Variants in PKNOX2 observed in about 807,000 individuals in gnomAD.
PKNOX2 encodes PBX/knotted 1 homeobox 2, also known as homeobox protein PKNOX2.
PKNOX2 carries 14 observed loss-of-function variants against 53.1 expected under a neutral mutation model. The ratio of observed to expected loss-of-function variants is 0.26; its 90% CI spans 0.17 to 0.41. The LOEUF is 0.41. PKNOX2 is among the 10% of genes least tolerant of loss of function. PKNOX2 has a pLI of 1.00. For synonymous variants in PKNOX2, 257 were observed against 242.8 expected (o/e 1.06, Z -0.54); for missense variants, 496 against 602.8 (o/e 0.82, Z 1.85).
chr11:125,315,626 G>T (rs1949134081), intron 2 of PKNOX2, among the ~76,000 whole-genome samples: 1 of 152,190 alleles, frequency 6.6e-6, no homozygotes, highest in African/African-American at 2.4e-5. Flanking sequence ...CTGAGTGCAT[G>T]GCAGCTAATG....
At chr11:125,405,284 C>G (rs1955019041) in intron 7 of PKNOX2, among the ~76,000 whole-genome samples, 1 of 152,214 alleles carries the variant, frequency 6.6e-6, no homozygotes, top group South Asian at 2.1e-4. Flanking sequence ...TAAACAGAAA[C>G]TTTTCTGTCA....
At chr11:125,351,736 G>C (rs1591538606) in intron 4 of PKNOX2, among the ~76,000 whole-genome samples, 1 of 152,060 alleles carries the variant, frequency 6.6e-6, no homozygotes, top group African/African-American at 2.4e-5. Flanking sequence ...GGAGACCCAG[G>C]TACCGGATGT....
chr11:125,413,156 G>A (rs1955663743), intron 10 of PKNOX2, among the ~76,000 whole-genome samples: 1 of 152,210 alleles, frequency 6.6e-6, no homozygotes, highest in African/African-American at 2.4e-5. Flanking sequence ...TGACTAGTCT[G>A]AACACCTACA....
chr11:125,295,044 C>T (rs938891953), intron 2 of PKNOX2, among the ~76,000 whole-genome samples: 1 of 152,142 alleles, frequency 6.6e-6, no homozygotes. Flanking sequence ...TGGTGGCCTT[C>T]TGGAGGGCTG....
intron 10 of PKNOX2, among the ~76,000 whole-genome samples, chr11:125,425,538 G>A (rs1012267990): frequency 7.3e-6 from 1 of 136,280 alleles, no homozygotes; most frequent in Non-Finnish European, 1.6e-5. Flanking sequence ...ACTGTGCCTT[G>A]ATGGTTTGCC....
At chr11:125,219,152 G>T (rs954094509) in intron 1 of PKNOX2, among the ~76,000 whole-genome samples, 2 of 152,144 alleles carry the variant, frequency 1.3e-5, no homozygotes, top group Non-Finnish European at 2.9e-5. Flanking sequence ...ATTATAAGTA[G>T]CCCAGGCATG....
intron 2 of PKNOX2, among the ~76,000 whole-genome samples, chr11:125,297,116 C>T (rs1424398686): frequency 6.6e-6 from 1 of 152,138 alleles, no homozygotes; most frequent in African/African-American, 2.4e-5. Flanking sequence ...TAAGTTGTGC[C>T]GTAGCATCTG....
intron 2 of PKNOX2, among the ~76,000 whole-genome samples, chr11:125,298,235 C>T (rs975064133): frequency 6.6e-6 from 1 of 152,126 alleles, no homozygotes; most frequent in Non-Finnish European, 1.5e-5. Flanking sequence ...AGATGAAGGG[C>T]CTTGCATAGG....
chr11:125,304,889 A>G (rs796604433), intron 2 of PKNOX2, among the ~76,000 whole-genome samples: 2 of 152,358 alleles, frequency 1.3e-5, no homozygotes, highest in African/African-American at 4.8e-5. Flanking sequence ...TCAGACAATA[A>G]ATGTAATACA....
chr11:125,351,529 C>T, intron 4 of PKNOX2, 137 bp downstream of exon 4: 1 of 632,156 alleles, frequency 1.6e-6, no homozygotes, highest in South Asian at 1.9e-5. Flanking sequence ...GGTGGCACTC[C>T]GGGCTCTTTC....
chr11:125,242,952 G>A (rs915423534), intron 2 of PKNOX2, among the ~76,000 whole-genome samples: 2 of 152,214 alleles, frequency 1.3e-5, no homozygotes, highest in African/African-American at 4.8e-5. Context: ...GTGTCAGACA[G>A]ACTTGGGTTC....
chr11:125,375,865 C>G (rs1343166257), intron 5 of PKNOX2, among the ~76,000 whole-genome samples: 1 of 152,138 alleles, frequency 6.6e-6, no homozygotes, highest in Non-Finnish European at 1.5e-5. Context: ...CTTTTATTTT[C>G]AGTTCGGGGT....
intron 2 of PKNOX2, among the ~76,000 whole-genome samples, chr11:125,292,067 G>A (rs372673603): frequency 2.0e-5 from 3 of 152,238 alleles, no homozygotes; most frequent in East Asian, 3.9e-4. Flanking sequence ...CATATTTTAC[G>A]TCATGGACAT....
chr11:125,246,398 C>A (rs1234997605), intron 2 of PKNOX2, among the ~76,000 whole-genome samples: 1 of 152,142 alleles, frequency 6.6e-6, no homozygotes, highest in Admixed American at 6.5e-5. Context: ...CCCTGCCTTC[C>A]AATATAGTCA....
intron 10 of PKNOX2, among the ~76,000 whole-genome samples, chr11:125,421,344 A>G (rs1956164003): frequency 6.6e-6 from 1 of 152,074 alleles, no homozygotes. Flanking sequence ...TCTTCCAGTG[A>G]CCCTAACAGG....
At chr11:125,384,339 A>G (rs934543049) in intron 5 of PKNOX2, among the ~76,000 whole-genome samples, 9 of 152,142 alleles carry the variant, frequency 5.9e-5, no homozygotes, top group African/African-American at 2.2e-4. Context: ...GCGGTGGGGG[A>G]ATGGGGGTCA....
rs1038679118 is a variant in PKNOX2, at chr11:125,331,914, A to G, written c.-34A>G. The G allele has an allele frequency of 1.3e-5, 2 of 152,196 alleles. No individual in the cohort carries two copies. The highest frequency in any genetic ancestry group is 2.4e-5 in the African/African-American group (1 of 41,442). 9.4% of individuals were successfully genotyped at this position (152,196 alleles called of 1,614,324 possible). A position where few individuals can be genotyped will look rare whatever the true frequency, so the allele number is the denominator to read the frequency against. ...TGAGGACCATCTCAGAGGCCCCGGG[A>G]TCACCCGAACAGTAAGAAATGCTCT... On this transcript the variant is annotated 5_prime_UTR_variant, in exon 3 of 13. Coordinates refer to ENST00000298282, the MANE Select transcript of PKNOX2 (RefSeq NM_001382323.2).
At chr11:125,290,436 T>G (rs1310738875) in intron 2 of PKNOX2, among the ~76,000 whole-genome samples, 1 of 152,158 alleles carries the variant, frequency 6.6e-6, no homozygotes, top group African/African-American at 2.4e-5. Flanking sequence ...TTTTTACATC[T>G]GAATCAGAGT....
intron 2 of PKNOX2, among the ~76,000 whole-genome samples, chr11:125,278,293 C>T (rs960415563): frequency 1.3e-5 from 2 of 151,278 alleles, no homozygotes; most frequent in African/African-American, 4.9e-5. Context: ...GTATATGAGA[C>T]ATAAGAGACA....
Sources: gnomAD v4.1 joint callset for allele counts (sites outside exome capture counted in the v4.1 genomes callset) on GRCh38, gnomAD v4.1.1 for gene constraint, MANE v1.5 for transcripts, NCBI Gene and HGNC (gene_info 2026-07-23, HGNC 2026-07-21) for gene names.